Variants in RBM33 observed in about 807,000 individuals in gnomAD.
RBM33 encodes the protein RNA binding motif protein 33.
In RBM33, 28 loss-of-function variants were observed where a neutral mutation model predicts 132.6. The ratio of observed to expected loss-of-function variants is 0.21; its 90% CI spans 0.16 to 0.29. RBM33 has a LOEUF of 0.29. RBM33 is among the 10% of genes least tolerant of loss of function. The pLI, the probability that RBM33 is intolerant of heterozygous loss-of-function variation, is 1.00. For missense variants in RBM33, 1,291 were observed against 1,518.5 expected, an observed-to-expected ratio of 0.85 and a Z score of 2.49; for synonymous variants, 634 against 593.0, an observed-to-expected ratio of 1.07 and a Z score of -1.01.
chr7:155,677,005 C>T (rs1026779126), intron 3 of RBM33, among the ~76,000 whole-genome samples: 2 of 152,154 alleles, frequency 1.3e-5, no homozygotes, highest in Non-Finnish European at 2.9e-5. Flanking sequence ...GAGAAACAGC[C>T]TCTCGAATGA....
rs1321819309 is a variant in RBM33 at position 155,644,814 on chromosome 7, C to T, written c.-63C>T. 7.3e-7 allele frequency: 1 copy of T among 1,369,612 alleles called. No individual in the cohort carries two copies. The allele number at this position is 1,369,612 out of a possible 1,614,324, so 84.8% of individuals were successfully genotyped here. A position where few individuals can be genotyped will look rare whatever the true frequency, so the allele number is the denominator to read the frequency against. Reference sequence around the variant, plus strand: ...CCGTCACCCGTACCCGGGCCCGGACCAGGCACGTCGGCCCACCAGCTGGCT... The same window carrying T: ...CCGTCACCCGTACCCGGGCCCGGACTAGGCACGTCGGCCCACCAGCTGGCT... On this transcript the variant is annotated 5_prime_UTR_variant, in exon 1 of 18. Coordinates refer to ENST00000401878, the MANE Select transcript of RBM33 (RefSeq NM_053043.3).
Position 155,780,447 on chromosome 7 carries a change from TTC to T in RBM33, c.*5408_*5409del, listed in dbSNP as rs1471389806. 1.3e-5 allele frequency: 2 copies of T among 152,288 alleles called. No individual in the cohort carries two copies. The highest frequency in any genetic ancestry group is 4.8e-5 in the African/African-American group (2 of 41,456). The allele number at this position is 152,288 out of a possible 1,614,324, so 9.4% of individuals were successfully genotyped here. On this transcript the variant is annotated 3_prime_UTR_variant, in exon 18 of 18. Coordinates refer to ENST00000401878, the MANE Select transcript of RBM33 (RefSeq NM_053043.3). ...GTGACCTTTTTCATGTCTGAGCTGA[TTC>T]TGTTTGCTCCACGTGCCTGCTTCTT...
intron 1 of RBM33, among the ~76,000 whole-genome samples, chr7:155,664,684 A>G (rs1798750573): frequency 6.6e-6 from 1 of 152,238 alleles, no homozygotes; most frequent in African/African-American, 2.4e-5. Context: ...TGTGGCTACT[A>G]GAAAACCTAG....
chr7:155,756,034 A>T lies in RBM33; in HGVS notation c.2980-7778A>T, dbSNP rs61509387. On this transcript the variant is annotated intron_variant, in intron 14 of 17. Transcript: ENST00000401878. Reference sequence around the variant, plus strand: ...TCATGTGCTTTGGAGGAAGTAGAAGATATTTAAAATGCTGTCTGAACCTAG... The same window carrying T: ...TCATGTGCTTTGGAGGAAGTAGAAGTTATTTAAAATGCTGTCTGAACCTAG... Among the ~76,000 whole-genome samples, 38 of 152,368 alleles carry T rather than the reference A, an allele frequency of 2.5e-4. No homozygotes were observed. The East Asian group carries it at 7.3e-3, about 29-fold the overall frequency.
rs377332833 is a variant in RBM33 at position 155,680,701 on chromosome 7, A to G, written c.360A>G (p.Gln120=). 1.2e-6 allele frequency: 2 copies of G among 1,613,016 alleles called. No homozygotes were observed. Residue 120 remains glutamine (Q), a synonymous_variant, in exon 5 of 18, where the codon CAA becomes CAG. Transcript: ENST00000401878. Reference sequence around the variant, plus strand: ...GAGAACAGGAATCTGAGTATGAACAAGAACAAGGAGAGGATGAACTGGTTT... The same window carrying G: ...GAGAACAGGAATCTGAGTATGAACAGGAACAAGGAGAGGATGAACTGGTTT... ...QSGEQESEYE[Q]EQGEDELVYH...
chr7:155,717,310 T>A (rs922317806), intron 8 of RBM33, among the ~76,000 whole-genome samples: 2 of 152,120 alleles, frequency 1.3e-5, no homozygotes, highest in Non-Finnish European at 2.9e-5. Context: ...CCTCTCTCCT[T>A]GCCTTGTCGT....
In RBM33 at chr7:155,728,211, C is replaced by T. The variant is rs7781177; in HGVS notation, c.1261-9319C>T. 3.3e-5 allele frequency among the ~76,000 whole-genome samples: 5 copies of T among 151,968 alleles called. 1 individual carries two copies. The highest frequency in any genetic ancestry group is 4.1e-4 in the South Asian group (2 of 4,828). On this transcript the variant is annotated intron_variant, in intron 9 of 17. Transcript: ENST00000401878. ...CGGGCATTTGTCATTTTGGAAAATG[C>T]GCCGTCATGACTTCTTCCTGATTGG...
Position 155,678,618 on chromosome 7 carries a change from A to T in RBM33, c.182A>T (p.Asp61Val), listed in dbSNP as rs1296261010. 1.3e-6 allele frequency: 2 copies of T among 1,563,912 alleles called. No homozygotes were observed. The highest frequency in any genetic ancestry group is 2.7e-5 in the African/African-American group (2 of 73,560). Residue 61 changes from aspartate to valine, a missense_variant, in exon 4 of 18, where the codon GAT becomes GTT. Coordinates refer to ENST00000401878, the MANE Select transcript of RBM33 (RefSeq NM_053043.3). ...TCTTATTTTAATTAGAATCAGTCGG[A>T]TTTGTCAGATGAAGAGCTAAATGAT... is the stretch of plus-strand genomic sequence containing the variant. The part of the protein sequence containing the change: ...DLLSGKKNQS[D>V]LSDEELNDDL...
chr7:155,710,859 C>T (rs190034111), intron 7 of RBM33, among the ~76,000 whole-genome samples: 387 of 151,924 alleles, frequency 2.5e-3, no homozygotes, highest in Non-Finnish European at 3.7e-3. Context: ...CTCTTCTGTC[C>T]CTGGCACAGG....
At position 155,711,226 on chromosome 7, in the gene RBM33, A is replaced by T. The variant is rs7800753; in HGVS notation, c.972A>T (p.Pro324=). ...PVVPQAPPPP[P]PPPQQQPIRS... ...AGCCCCAGGCTCCCCCTCCACCGCCACCGCCGCCTCAGCAGCAGCCGATCA... is the reference window on the plus strand; with the variant it reads ...AGCCCCAGGCTCCCCCTCCACCGCCTCCGCCGCCTCAGCAGCAGCCGATCA... The change falls in exon 8 of 18, where the codon CCA becomes CCT. Residue 324 remains proline, a synonymous_variant. Coordinates refer to ENST00000401878, the MANE Select transcript of RBM33 (RefSeq NM_053043.3). 1,120,692 of 1,578,568 alleles carry T rather than the reference A, an allele frequency of 0.71. 402,196 individuals carry two copies. Among genetic ancestry groups the T allele is most frequent in the South Asian group, 0.77 (66,966 of 87,524 alleles).
Position 155,673,949 on chromosome 7 carries a change from T to TGTTTTTG in RBM33, c.171+1034_171+1035insGTTTTTG, listed in dbSNP as rs1205007002. Among the ~76,000 whole-genome samples the TGTTTTTG allele has an allele frequency of 2.8e-3, 293 of 106,492 alleles. 6 individuals are homozygous for TGTTTTTG. The highest frequency in any genetic ancestry group is 3.9e-3 in the South Asian group (10 of 2,556). 69.9% of individuals were successfully genotyped at this position (106,492 alleles called of 152,430 possible). A position where few individuals can be genotyped will look rare whatever the true frequency, so the allele number is the denominator to read the frequency against. On this transcript the variant is annotated intron_variant, in intron 3 of 17. Transcript: ENST00000401878. Reference sequence around the variant, plus strand: ...AGATAGTTTAGGCTTAGTTTTTTTTTTTTTTTTTTTTTTTTTTTTTTTTGA... The same window carrying TGTTTTTG: ...AGATAGTTTAGGCTTAGTTTTTTTTTGTTTTTGTTTTTTTTTTTTTTTTTTTTTTTGA...
chr7:155,771,412 G>GGA (rs1802422719), intron 16 of RBM33, among the ~76,000 whole-genome samples: 2 of 152,200 alleles, frequency 1.3e-5, no homozygotes, highest in African/African-American at 4.8e-5. Context: ...AAAAATGTAA[G>GGA]GAGAGAGGGT....
Position 155,715,653 on chromosome 7 carries a change from T to C in RBM33, c.1202-2732T>C, listed in dbSNP as rs1345422251. ...GTGCCGCATGTCCCTTATCTGTCAT[T>C]TACCTTTGACCTTCAGAGGTACACT... On this transcript the variant is annotated intron_variant, in intron 8 of 17. Transcript: ENST00000401878. Among the ~76,000 whole-genome samples the C allele has an allele frequency of 2.6e-5, 4 of 152,200 alleles. No individual in the cohort carries two copies. The East Asian group carries it at 7.7e-4, about 29-fold the overall frequency.
At chr7:155,653,416 A>G (rs1798408397) in intron 1 of RBM33, among the ~76,000 whole-genome samples, 1 of 151,972 alleles carries the variant, frequency 6.6e-6, no homozygotes, top group African/African-American at 2.4e-5. Flanking sequence ...TTCCCTCGGC[A>G]GAACTTTGGA....
Position 155,668,103 on chromosome 7 carries a change from G to A in RBM33, c.122+2850G>A, listed in dbSNP as rs542761718. Among the ~76,000 whole-genome samples the A allele has an allele frequency of 3.9e-5, 6 of 152,098 alleles. No individual in the cohort carries two copies. In the East Asian group the frequency reaches 9.6e-4, roughly 24 times the overall value. The stretch of plus-strand genomic sequence containing the variant: ...TAAATATCTTAGTGTTTACATTTCC[G>A]ATTGTCTCTTATATTTGTGTGTGTG... On this transcript the variant is annotated intron_variant, in intron 2 of 17. Transcript: ENST00000401878.
At position 155,661,097 on chromosome 7, in the gene RBM33, GGTGTGTGTGT is replaced by G. The variant is rs59345780; in HGVS notation, c.44-4053_44-4044del. Among the ~76,000 whole-genome samples the G allele has an allele frequency of 1.3e-3, 144 of 110,148 alleles. 2 individuals are homozygous for G. Among genetic ancestry groups the G allele is most frequent in the Middle Eastern group, 5.4e-3 (1 of 186 alleles). 72.3% of individuals were successfully genotyped at this position (110,148 alleles called of 152,430 possible). On this transcript the variant is annotated intron_variant, in intron 1 of 17. Coordinates refer to ENST00000401878, the MANE Select transcript of RBM33 (RefSeq NM_053043.3). ...AAAAATAATTTCTGTGTGTGTGTGTGGTGTGTGTGTGTGTGTGTGTGTGTGTGTGTGTGTA... is the reference window on the plus strand; with the variant it reads ...AAAAATAATTTCTGTGTGTGTGTGTGGTGTGTGTGTGTGTGTGTGTGTGTA...
intron 1 of RBM33, among the ~76,000 whole-genome samples, chr7:155,655,445 GTATT>G (rs1165384934): frequency 6.8e-6 from 1 of 146,246 alleles, no homozygotes; most frequent in Non-Finnish European, 1.5e-5. Flanking sequence ...ATGATGAACA[GTATT>G]TATCAAAATC....
chr7:155,761,656 C>T (rs569812903), intron 14 of RBM33, among the ~76,000 whole-genome samples: 1 of 152,170 alleles, frequency 6.6e-6, no homozygotes, highest in African/African-American at 2.4e-5. Flanking sequence ...TTTGGTAATT[C>T]ATCTTCTTTC....
Position 155,775,271 on chromosome 7 carries a change from A to G in RBM33, c.*230A>G, listed in dbSNP as rs2117089922. 1.6e-6 allele frequency: 1 copy of G among 638,362 alleles called. No homozygotes were observed. Among genetic ancestry groups the G allele is most frequent in the East Asian group, 2.8e-5 (1 of 36,110 alleles). 39.5% of individuals were successfully genotyped at this position (638,362 alleles called of 1,614,324 possible). The stretch of plus-strand genomic sequence containing the variant: ...GATTGCTTCACATTCTCTTGTCACC[A>G]CCAAGAACTCCAAGTTTTTCGTTTT... On this transcript the variant is annotated 3_prime_UTR_variant, in exon 18 of 18. Coordinates refer to ENST00000401878, the MANE Select transcript of RBM33 (RefSeq NM_053043.3).
Sources: gnomAD v4.1 joint callset for allele counts (sites outside exome capture counted in the v4.1 genomes callset) on GRCh38, gnomAD v4.1.1 for gene constraint, MANE v1.5 for transcripts, NCBI Gene and HGNC (gene_info 2026-07-23, HGNC 2026-07-21) for gene names.